Variants in NELL2 observed in about 807,000 individuals in gnomAD.
NELL2 encodes the protein neural EGFL like 2, also known as protein kinase C-binding protein NELL2.
NELL2 carries 41 observed loss-of-function variants against 109.6 expected under a neutral mutation model. The observed-to-expected ratio is 0.37, with a 90% CI of 0.29 to 0.49. NELL2 has a LOEUF of 0.49. Ranked by LOEUF, NELL2 falls within the 20% of genes least tolerant of loss-of-function variation. NELL2 has a pLI of 0.98. For synonymous variants in NELL2, 355 were observed against 344.7 expected, an observed-to-expected ratio of 1.03 and a Z score of -0.33; for missense variants, 900 against 1,008.3, an observed-to-expected ratio of 0.89 and a Z score of 1.45.
intron 3 of NELL2, among the ~76,000 whole-genome samples, chr12:44,789,309 A>T (rs1478371441): frequency 6.6e-6 from 1 of 152,214 alleles, no homozygotes; most frequent in Admixed American, 6.5e-5. Context: ...CTCTGTGCAG[A>T]CAATCCCCAG....
chr12:44,847,710 AT>A (rs766363087), intron 2 of NELL2, among the ~76,000 whole-genome samples: 2 of 151,468 alleles, frequency 1.3e-5, no homozygotes, highest in African/African-American at 2.4e-5. Context: ...AAGAGAAGAG[AT>A]TTTTTTTTCC....
At chr12:44,579,038 G>A (rs1944223602) in intron 15 of NELL2, among the ~76,000 whole-genome samples, 1 of 152,068 alleles carries the variant, frequency 6.6e-6, no homozygotes, top group African/African-American at 2.4e-5. Flanking sequence ...CCAGAGGAAT[G>A]GATTTTGATA....
chr12:44,830,314 T>C (rs1401597631), intron 2 of NELL2, among the ~76,000 whole-genome samples: 2 of 152,200 alleles, frequency 1.3e-5, no homozygotes, highest in Admixed American at 6.5e-5. Context: ...CACAATTTCA[T>C]CTTCTACCTA....
intron 2 of NELL2, among the ~76,000 whole-genome samples, chr12:44,844,528 G>A (rs1944317603): frequency 2.0e-5 from 3 of 152,124 alleles, no homozygotes; most frequent in Admixed American, 2.0e-4. Flanking sequence ...TCAAAGGTGG[G>A]GGATGGGGAA....
chr12:44,764,334 C>A (rs1412251944), intron 9 of NELL2, among the ~76,000 whole-genome samples: 1 of 152,070 alleles, frequency 6.6e-6, no homozygotes, highest in East Asian at 1.9e-4. Context: ...GTTTCTGTTC[C>A]ATGTATGAAG....
At chr12:44,750,172 T>C (rs1281025488) in intron 9 of NELL2, among the ~76,000 whole-genome samples, 5 of 152,276 alleles carry the variant, frequency 3.3e-5, no homozygotes, top group Admixed American at 2.6e-4. Flanking sequence ...TGTTTTCCTT[T>C]TACATTCTTC....
intron 16 of NELL2, among the ~76,000 whole-genome samples, chr12:44,528,097 C>CAAAAAAAAAAAAAAAAAAAAAAAA (rs71093812): frequency 2.3e-4 from 5 of 21,998 alleles, no homozygotes; most frequent in Non-Finnish European, 4.0e-4. Context: ...GACTCCGTCT[C>CAAAAAAAAAAAAAAAAAAAAAAAA]AAAAAAAAAA....
intron 3 of NELL2, among the ~76,000 whole-genome samples, chr12:44,783,461 T>C (rs1942040658): frequency 6.6e-6 from 1 of 151,572 alleles, no homozygotes; most frequent in Non-Finnish European, 1.5e-5. Context: ...ATAAAATTAA[T>C]GAACTAACGA....
At chr12:44,662,172 C>T (rs112086521) in intron 13 of NELL2, among the ~76,000 whole-genome samples, 1,568 of 152,176 alleles carry the variant, frequency 0.01, 20 homozygotes, top group Middle Eastern at 0.037. Flanking sequence ...GAGTCAGAGG[C>T]CCAGAAAATG....
At chr12:44,846,055 T>C (rs1053140696) in intron 2 of NELL2, among the ~76,000 whole-genome samples, 1 of 152,148 alleles carries the variant, frequency 6.6e-6, no homozygotes, top group African/African-American at 2.4e-5. Context: ...CTTGGAACAT[T>C]TACACCAGGA....
chr12:44,571,874 T>C (rs1429921954), intron 15 of NELL2, among the ~76,000 whole-genome samples: 1 of 152,200 alleles, frequency 6.6e-6, no homozygotes, highest in African/African-American at 2.4e-5. Flanking sequence ...GTAGGAACTC[T>C]GGATCAATAT....
At chr12:44,735,394 C>T (rs1939588547) in intron 9 of NELL2, among the ~76,000 whole-genome samples, 1 of 152,142 alleles carries the variant, frequency 6.6e-6, no homozygotes, top group South Asian at 2.1e-4. Context: ...AGGCATAATA[C>T]ATAAATGTAA....
At chr12:44,756,570 A>C (rs10785521) in intron 9 of NELL2, among the ~76,000 whole-genome samples, 107,753 of 151,920 alleles carry the variant, frequency 0.71, 38,428 homozygotes, top group Non-Finnish European at 0.74. Context: ...AAAATGCTTT[A>C]AAAAAGACAA....
chr12:44,893,994 G>A (rs1042296287), intron 1 of NELL2, among the ~76,000 whole-genome samples: 3 of 151,974 alleles, frequency 2.0e-5, no homozygotes, highest in African/African-American at 7.3e-5. Flanking sequence ...AAACTCAACA[G>A]ACCTAAAACT....
chr12:44,731,917 G>A (rs11182623), intron 9 of NELL2, among the ~76,000 whole-genome samples: 1,524 of 151,966 alleles, frequency 0.01, 23 homozygotes, highest in East Asian at 0.031. Context: ...TTGGTTGTGC[G>A]CCTAAACTCT....
chr12:44,776,426 T>C (rs899078199), intron 7 of NELL2, among the ~76,000 whole-genome samples: 5 of 152,226 alleles, frequency 3.3e-5, no homozygotes, highest in Admixed American at 6.5e-5. Flanking sequence ...ATCACTCAAA[T>C]GCAGAGAAGC....
intron 2 of NELL2, among the ~76,000 whole-genome samples, chr12:44,857,716 T>C (rs1039277226): frequency 1.3e-5 from 2 of 152,360 alleles, no homozygotes. Context: ...AGAGGAGCTA[T>C]GCCCTGAATC....
chr12:44,911,560 A>T (rs1207789299), intron 1 of NELL2, among the ~76,000 whole-genome samples: 1 of 151,946 alleles, frequency 6.6e-6, no homozygotes. Flanking sequence ...AAAACTACAA[A>T]ATTCGTATGG....
At chr12:44,921,538 A>T (rs1945867994) in intron 1 of NELL2, among the ~76,000 whole-genome samples, 1 of 152,230 alleles carries the variant, frequency 6.6e-6, no homozygotes, top group Non-Finnish European at 1.5e-5. Context: ...CCTCAGCTGC[A>T]CAATGGAAAT....
Sources: allele counts gnomAD v4.1 joint callset (sites outside exome capture counted in the v4.1 genomes callset), GRCh38; gene constraint gnomAD v4.1.1; transcripts MANE v1.5; gene names NCBI Gene and HGNC (gene_info 2026-07-23, HGNC 2026-07-21).